The following DAB1 variants were observed in gnomAD, a reference collection of about 807,000 sequenced individuals.
DAB1 encodes the protein disabled homolog 1.
A neutral mutation model predicts 64.6 loss-of-function variants in DAB1; 15 were observed. That is an observed-to-expected ratio of 0.23 (90% CI 0.16 to 0.36). The LOEUF is 0.36. Ranked by LOEUF, DAB1 falls within the 10% of genes least tolerant of loss-of-function variation. The pLI, the probability that DAB1 is intolerant of heterozygous loss-of-function variation, is 1.00. For synonymous variants in DAB1, 235 were observed against 251.9 expected, an observed-to-expected ratio of 0.93 and a Z score of 0.64; for missense variants, 596 against 706.7, an observed-to-expected ratio of 0.84 and a Z score of 1.78.
At chr1:58,154,946 C>T (rs1051969027) in intron 4 of DAB1, among the ~76,000 whole-genome samples, 3 of 152,292 alleles carry the variant, frequency 2.0e-5, no homozygotes, top group African/African-American at 7.2e-5. Context: ...GAAGCAGCTA[C>T]TACCCCTATA....
intron 6 of DAB1, among the ~76,000 whole-genome samples, chr1:57,735,543 C>T (rs1270431181): frequency 6.7e-6 from 1 of 149,474 alleles, no homozygotes; most frequent in Non-Finnish European, 1.5e-5. Flanking sequence ...TACTGTCAAG[C>T]AGAGGAGACA....
At chr1:57,589,360 T>C (rs1274322434) in intron 7 of DAB1, among the ~76,000 whole-genome samples, 1 of 152,164 alleles carries the variant, frequency 6.6e-6, no homozygotes, top group Non-Finnish European at 1.5e-5. Flanking sequence ...AAATATCAAC[T>C]ATACTTTGGA....
intron 1 of DAB1, among the ~76,000 whole-genome samples, chr1:57,404,842 A>G (rs1010529032): frequency 4.6e-5 from 7 of 152,186 alleles, no homozygotes; most frequent in African/African-American, 1.7e-4. Context: ...ACCCAAAGAG[A>G]CACACACATT....
intron 4 of DAB1, among the ~76,000 whole-genome samples, chr1:58,250,767 T>A (rs1660773929): frequency 6.6e-6 from 1 of 152,200 alleles, no homozygotes; most frequent in Non-Finnish European, 1.5e-5. Context: ...GTTCTCAGTG[T>A]CTGCTCCCCT....
chr1:58,397,279 A>G (rs1359485829), intron 3 of DAB1, among the ~76,000 whole-genome samples: 1 of 152,098 alleles, frequency 6.6e-6, no homozygotes, highest in Non-Finnish European at 1.5e-5. Flanking sequence ...CTCAAAGCAT[A>G]TGGGGATTGG....
chr1:58,452,971 A>G (rs1645155062), intron 3 of DAB1, among the ~76,000 whole-genome samples: 1 of 152,242 alleles, frequency 6.6e-6, no homozygotes, highest in Admixed American at 6.5e-5. Flanking sequence ...CATAAATGGT[A>G]TAACTTCTCT....
chr1:58,410,379 G>A (rs914769225), intron 3 of DAB1, among the ~76,000 whole-genome samples: 2 of 152,110 alleles, frequency 1.3e-5, no homozygotes, highest in Admixed American at 6.5e-5. Flanking sequence ...ATCCTGATGT[G>A]GCCCTTTCTT....
At chr1:57,133,877 C>T (rs1296676891) in intron 4 of DAB1, among the ~76,000 whole-genome samples, 1 of 152,180 alleles carries the variant, frequency 6.6e-6, no homozygotes. Flanking sequence ...AGAACCCATG[C>T]TGAACATTGA....
At chr1:57,046,778 A>G (rs1364814210) in intron 9 of DAB1, among the ~76,000 whole-genome samples, 2 of 152,264 alleles carry the variant, frequency 1.3e-5, no homozygotes, top group African/African-American at 2.4e-5. Flanking sequence ...GCAAGCATGC[A>G]TCAGGGAACC....
At chr1:58,324,683 G>C (rs1016563818) in intron 4 of DAB1, among the ~76,000 whole-genome samples, 1 of 152,100 alleles carries the variant, frequency 6.6e-6, no homozygotes, top group African/African-American at 2.4e-5. Flanking sequence ...CTGCCTCTTG[G>C]CTGATCATGT....
intron 4 of DAB1, among the ~76,000 whole-genome samples, chr1:58,302,150 T>C (rs544602540): frequency 1.5e-4 from 23 of 152,152 alleles, no homozygotes; most frequent in African/African-American, 5.3e-4. Context: ...CTTTGATGAG[T>C]ACAGGTGACA....
chr1:57,869,063 C>A (rs1049347671), intron 1 of DAB1, among the ~76,000 whole-genome samples: 1 of 151,980 alleles, frequency 6.6e-6, no homozygotes, highest in Non-Finnish European at 1.5e-5. Flanking sequence ...TTTATGATAT[C>A]CAACTCTTTA....
intron 1 of DAB1, chr1:57,860,892 G>A (rs750270997): frequency 2.6e-5 from 4 of 152,256 alleles, no homozygotes; most frequent in Non-Finnish European, 5.9e-5. Context: ...ATTTCTTCAA[G>A]AAGCTGAGAT....
At chr1:57,476,874 A>T (rs1047217285) in intron 7 of DAB1, among the ~76,000 whole-genome samples, 1 of 152,144 alleles carries the variant, frequency 6.6e-6, no homozygotes, top group Non-Finnish European at 1.5e-5. Flanking sequence ...GATTCAGAGG[A>T]CTTGGGTTCA....
intron 4 of DAB1, among the ~76,000 whole-genome samples, chr1:58,184,575 G>A: frequency 6.6e-6 from 1 of 152,076 alleles, no homozygotes; most frequent in East Asian, 1.9e-4. Context: ...CAAACCACTT[G>A]AAATGCAGTA....
intron 5 of DAB1, among the ~76,000 whole-genome samples, chr1:57,958,790 T>G (rs773318685): frequency 6.6e-6 from 1 of 152,184 alleles, no homozygotes; most frequent in African/African-American, 2.4e-5. Context: ...CCTCTTTCTA[T>G]GTCTTCTCAC....
intron 1 of DAB1, among the ~76,000 whole-genome samples, chr1:57,862,101 T>C (rs1161239880): frequency 2.0e-5 from 3 of 152,198 alleles, no homozygotes; most frequent in Non-Finnish European, 4.4e-5. Flanking sequence ...TTGGTCTCAC[T>C]TCTGTTCCCT....
At chr1:57,844,434 G>T (rs1290816183) in intron 1 of DAB1, among the ~76,000 whole-genome samples, 1 of 152,180 alleles carries the variant, frequency 6.6e-6, no homozygotes, top group Non-Finnish European at 1.5e-5. Context: ...TTTGGCAGGG[G>T]CTGCAGTGTA....
intron 7 of DAB1, among the ~76,000 whole-genome samples, chr1:57,582,949 G>A (rs72908532): frequency 0.036 from 5,487 of 152,306 alleles, 289 homozygotes; most frequent in African/African-American, 0.12. Context: ...AAGACTTCCA[G>A]TTCTGATGAA....
Sources: allele counts gnomAD v4.1 joint callset (sites outside exome capture counted in the v4.1 genomes callset), GRCh38; gene constraint gnomAD v4.1.1; transcripts MANE v1.5; gene names NCBI Gene and HGNC (gene_info 2026-07-23, HGNC 2026-07-21).